The following ATP11A variants were observed in gnomAD, a reference collection of about 807,000 sequenced individuals.
The protein encoded by ATP11A is ATPase phospholipid transporting 11A, also known as phospholipid-transporting ATPase IH.
Under a neutral mutation model 154.4 loss-of-function variants are expected in ATP11A, and 81 were observed. The observed-to-expected ratio is 0.52, with a 90% confidence interval of 0.44 to 0.63. ATP11A has a LOEUF of 0.63. Among genes scored for constraint, ATP11A ranks in the 30% least tolerant of loss-of-function variants. The pLI is 0.00. For synonymous variants in ATP11A, 623 were observed against 585.9 expected, an observed-to-expected ratio of 1.06 and a Z score of -0.91; for missense variants, 1,316 against 1,474.3, an observed-to-expected ratio of 0.89 and a Z score of 1.76.
chr13:112,833,735 C>G (rs114002328), intron 14 of ATP11A, among the ~76,000 whole-genome samples: 1,924 of 152,302 alleles, frequency 0.013, 30 homozygotes, highest in African/African-American at 0.044. Flanking sequence ...TCACCGGGGC[C>G]CTTCGTTCCA....
chr13:112,875,956 C>CA lies in ATP11A; in HGVS notation c.3327+16dup, dbSNP rs1566605635. 6.2e-7 allele frequency: 1 copy of CA among 1,600,184 alleles called. No homozygotes were observed. The highest frequency in any genetic ancestry group is 8.5e-7 in the Non-Finnish European group (1 of 1,174,346). ...AGAGAGTCCAGGTACGGAGTGTCCC[C>CA]AGCCGGGGCGGGGGTGCCTCAGGGC... On this transcript the variant is annotated intron_variant, in intron 28 of 29. Coordinates refer to ENST00000375645, the MANE Select transcript of ATP11A (RefSeq NM_015205.3). The surrounding 1 kb of genome is among the most constrained non-coding windows in gnomAD (Gnocchi z 4.1).
chr13:112,770,953 G>C (rs1185391561), intron 1 of ATP11A, among the ~76,000 whole-genome samples: 3 of 152,150 alleles, frequency 2.0e-5, no homozygotes, highest in Non-Finnish European at 4.4e-5. Context: ...AGGGAGAATC[G>C]CCCTGTAAAC....
rs1594271632 is a variant in ATP11A at position 112,881,894 on chromosome 13, A to C, written c.*28A>C. On this transcript the variant is annotated 3_prime_UTR_variant, in exon 30 of 30. Transcript: ENST00000375645. Reference sequence around the variant, plus strand: ...TCTGCAGAGCCCAGGCTACCAGAGCACCTGTCCCTCGGCCGCCTGGTACAG... The same window carrying C: ...TCTGCAGAGCCCAGGCTACCAGAGCCCCTGTCCCTCGGCCGCCTGGTACAG... The C allele has an allele frequency of 7.3e-7, 1 of 1,367,696 alleles. No individual in the cohort carries two copies. 84.7% of individuals were successfully genotyped at this position (1,367,696 alleles called of 1,614,324 possible).
intron 12 of ATP11A, among the ~76,000 whole-genome samples, chr13:112,831,154 C>T (rs1399383219): frequency 6.6e-6 from 1 of 152,168 alleles, no homozygotes; most frequent in Non-Finnish European, 1.5e-5. Context: ...CTGAATTGCA[C>T]CTGCCAGGAC....
At chr13:112,750,867 C>A (rs2139810319) in intron 1 of ATP11A, among the ~76,000 whole-genome samples, 1 of 152,342 alleles carries the variant, frequency 6.6e-6, no homozygotes, top group African/African-American at 2.4e-5. Flanking sequence ...ATGATAATTA[C>A]CGTCATCATG....
At chr13:112,829,186 G>A (rs555725431) in intron 12 of ATP11A, among the ~76,000 whole-genome samples, 5 of 152,192 alleles carry the variant, frequency 3.3e-5, no homozygotes, top group African/African-American at 4.8e-5. Flanking sequence ...GCAGGCAGGC[G>A]TGCGTTGTAG....
In ATP11A at chr13:112,875,183, G is replaced by A. The variant is rs1168403878; in HGVS notation, c.3162-593G>A. 6.6e-6 allele frequency among the ~76,000 whole-genome samples: 1 copy of A among 152,170 alleles called. No homozygotes were observed. The highest frequency in any genetic ancestry group is 2.4e-5 in the African/African-American group (1 of 41,436). Reference sequence around the variant, plus strand: ...CAGTTTCACTGTGCTTCCTGGAGCTGGGGCCCTATCTCTGTGTCTCTGCCA... The same window carrying A: ...CAGTTTCACTGTGCTTCCTGGAGCTAGGGCCCTATCTCTGTGTCTCTGCCA... On this transcript the variant is annotated intron_variant, in intron 27 of 29. Transcript: ENST00000375645. This position sits in a 1 kb window ranked among gnomAD's most constrained non-coding sequence, Gnocchi z 4.1.
chr13:112,859,726 G>A lies in ATP11A; in HGVS notation c.2727+274G>A, dbSNP rs1294150298. Reference sequence around the variant, plus strand: ...GGCCAGTGATGATGTGGTCTCCTCAGGGCCCAGCAGTGCTGGGCTGGGCAT... The same window carrying A: ...GGCCAGTGATGATGTGGTCTCCTCAAGGCCCAGCAGTGCTGGGCTGGGCAT... On this transcript the variant is annotated intron_variant, in intron 23 of 29. Transcript: ENST00000375645. This position sits in a 1 kb window ranked among gnomAD's most constrained non-coding sequence, Gnocchi z 4.3. Among the ~76,000 whole-genome samples, 1 of 152,192 alleles carries A rather than the reference G, an allele frequency of 6.6e-6. No individual in the cohort carries two copies. The highest frequency in any genetic ancestry group is 1.5e-5 in the Non-Finnish European group (1 of 68,034).
At chr13:112,815,983 C>T (rs2078635445) in intron 5 of ATP11A, 100 bp from the exon 6 acceptor site, 2 of 1,524,236 alleles carry the variant, frequency 1.3e-6, no homozygotes, top group South Asian at 1.2e-5. Context: ...CCGTGTCTTC[C>T]TGTGAATAGA....
intron 2 of ATP11A, among the ~76,000 whole-genome samples, chr13:112,790,490 C>T (rs529426753): frequency 6.7e-6 from 1 of 148,994 alleles, no homozygotes; most frequent in Non-Finnish European, 1.5e-5. Context: ...ACTTAATTCA[C>T]ACCGGGTGTC....
chr13:112,828,218 T>TTGAGTGCGGGGGAAAGCGCCCAGCAGC lies in ATP11A; in HGVS notation c.1221+1327_1221+1328insTGAGTGCGGGGGAAAGCGCCCAGCAGC, dbSNP rs2078991428. Among the ~76,000 whole-genome samples the TTGAGTGCGGGGGAAAGCGCCCAGCAGC allele has an allele frequency of 6.4e-5, 8 of 124,534 alleles. 1 individual carries two copies. In the Admixed American group the frequency reaches 6.5e-4, roughly 10 times the overall value. 81.7% of individuals were successfully genotyped at this position (124,534 alleles called of 152,430 possible). The stretch of plus-strand genomic sequence containing the variant: ...GAGTGCGGGGGAAAGCGCCCAGCAG[T>TTGAGTGCGGGGGAAAGCGCCCAGCAGC]GTTGAGTGCAGGGGAAAGCACCTAG... On this transcript the variant is annotated intron_variant, in intron 12 of 29. Transcript: ENST00000375645.
At chr13:112,701,694 G>A (rs568969762) in intron 1 of ATP11A, among the ~76,000 whole-genome samples, 1 of 152,016 alleles carries the variant, frequency 6.6e-6, no homozygotes, top group African/African-American at 2.4e-5. Context: ...TTAGCTGGGC[G>A]TGGTGGCGGG....
chr13:112,781,030 CTTTTG>C (rs1020615167), intron 1 of ATP11A, among the ~76,000 whole-genome samples: 10 of 151,888 alleles, frequency 6.6e-5, no homozygotes, highest in African/African-American at 2.4e-4. Context: ...GTGACCCCGT[CTTTTG>C]TTTGTTTGTT....
intron 2 of ATP11A, among the ~76,000 whole-genome samples, chr13:112,790,918 T>G (rs1417165759): frequency 1.3e-5 from 2 of 152,240 alleles, no homozygotes; most frequent in African/African-American, 4.8e-5. Flanking sequence ...AGAAACAGGA[T>G]ATGTAAATGC....
intron 12 of ATP11A, 112 bp downstream of exon 12, chr13:112,827,003 G>T: frequency 9.4e-7 from 1 of 1,068,226 alleles, no homozygotes; most frequent in Non-Finnish European, 1.4e-6. Flanking sequence ...TGTAGCTGGC[G>T]TAAGACAGCA....
In ATP11A at chr13:112,754,854, G is replaced by A. The variant is rs897228495; in HGVS notation, c.40-30281G>A. On this transcript the variant is annotated intron_variant, in intron 1 of 29. Transcript: ENST00000375645. The surrounding 1 kb of genome is among the most constrained non-coding windows in gnomAD (Gnocchi z 5.3). ...ATCGACCACCTGTCCATGGAGCTCC[G>A]GGAATGCTGGCCCGGCCCCACTGCA... 2.0e-5 allele frequency among the ~76,000 whole-genome samples: 3 copies of A among 152,218 alleles called. No individual in the cohort carries two copies. The highest frequency in any genetic ancestry group is 4.8e-5 in the African/African-American group (2 of 41,456).
At chr13:112,779,595 CAG>C (rs1322225992) in intron 1 of ATP11A, among the ~76,000 whole-genome samples, 1 of 152,196 alleles carries the variant, frequency 6.6e-6, no homozygotes, top group African/African-American at 2.4e-5. Flanking sequence ...AAGACTGAAA[CAG>C]AGAAGCACTT....
rs1467455873 is a variant in ATP11A at position 112,753,540 on chromosome 13, C to T, written c.40-31595C>T. Among the ~76,000 whole-genome samples, 2 of 152,206 alleles carry T rather than the reference C, an allele frequency of 1.3e-5. No homozygotes were observed. Among genetic ancestry groups the T allele is most frequent in the Non-Finnish European group, 2.9e-5 (2 of 68,038 alleles). ...TGTTGTGGTTTTATCTTGTACTTCT[C>T]CTGCTAACAGGCAGGTTGAGAATCT... is the stretch of plus-strand genomic sequence containing the variant. On this transcript the variant is annotated intron_variant, in intron 1 of 29. Transcript: ENST00000375645. This position sits in a 1 kb window ranked among gnomAD's most constrained non-coding sequence, Gnocchi z 4.1.
intron 13 of ATP11A, among the ~76,000 whole-genome samples, 187 bp downstream of exon 13, chr13:112,831,735 G>A (rs1256982509): frequency 4.6e-5 from 7 of 152,360 alleles, no homozygotes; most frequent in Non-Finnish European, 8.8e-5. Flanking sequence ...AGTGATACCC[G>A]TGTTAGAATT....
Sources: allele counts gnomAD v4.1 joint callset (sites outside exome capture counted in the v4.1 genomes callset), GRCh38; gene constraint gnomAD v4.1.1; non-coding constraint Gnocchi (gnomAD v3.1); transcripts MANE v1.5; gene names NCBI Gene and HGNC (gene_info 2026-07-23, HGNC 2026-07-21).